Variants in PALS2 observed in about 807,000 individuals in gnomAD.
PALS2 encodes the protein protein associated with LIN7 2, MAGUK p55 family member.
PALS2 carries 27 observed loss-of-function variants against 61.6 expected under a neutral mutation model. The observed-to-expected ratio is 0.44, with a 90% CI of 0.32 to 0.60. The LOEUF is 0.60. PALS2 is among the 20% of genes least tolerant of loss of function. The pLI is 0.05. For missense variants in PALS2, 554 were observed against 639.4 expected (o/e 0.87, Z 1.44); for synonymous variants, 236 against 218.6 (o/e 1.08, Z -0.70).
At chr7:24,594,300 A>T (rs188038956) in intron 1 of PALS2, among the ~76,000 whole-genome samples, 1 of 152,072 alleles carries the variant, frequency 6.6e-6, no homozygotes, top group Non-Finnish European at 1.5e-5. Flanking sequence ...AGACCACTCA[A>T]ACTTTCCCCA....
At chr7:24,612,789 C>A (rs1403021344) in intron 1 of PALS2, among the ~76,000 whole-genome samples, 1 of 151,874 alleles carries the variant, frequency 6.6e-6, no homozygotes, top group African/African-American at 2.4e-5. Flanking sequence ...CTTATATCAT[C>A]TGCATTTCTT....
intron 1 of PALS2, among the ~76,000 whole-genome samples, chr7:24,621,391 G>A (rs893695049): frequency 1.2e-4 from 19 of 152,062 alleles, no homozygotes; most frequent in Non-Finnish European, 2.1e-4. Flanking sequence ...AAAAATACTG[G>A]TAAAAATGTG....
At chr7:24,608,566 C>G (rs1784006884) in intron 1 of PALS2, among the ~76,000 whole-genome samples, 2 of 152,040 alleles carry the variant, frequency 1.3e-5, no homozygotes, top group African/African-American at 4.8e-5. Flanking sequence ...TTAGCAGTTT[C>G]AACTTTATTC....
At chr7:24,598,870 A>G (rs1392021085) in intron 1 of PALS2, among the ~76,000 whole-genome samples, 1 of 152,148 alleles carries the variant, frequency 6.6e-6, no homozygotes, top group Admixed American at 6.5e-5. Context: ...TGAAGAAGAT[A>G]ATTTGTTTCC....
intron 1 of PALS2, among the ~76,000 whole-genome samples, chr7:24,613,700 C>G (rs1784193331): frequency 6.6e-6 from 1 of 151,746 alleles, no homozygotes; most frequent in South Asian, 2.1e-4. Context: ...TCATATCTAG[C>G]TGTAATTTTG....
intron 3 of PALS2, among the ~76,000 whole-genome samples, chr7:24,647,354 G>T (rs1785893655): frequency 6.6e-6 from 1 of 152,000 alleles, no homozygotes; most frequent in African/African-American, 2.4e-5. Context: ...TCACTATGTT[G>T]GCCAGGCTGG....
At chr7:24,657,419 G>A (rs1160587293) in intron 5 of PALS2, among the ~76,000 whole-genome samples, 7 of 152,162 alleles carry the variant, frequency 4.6e-5, no homozygotes, top group Admixed American at 4.6e-4. Context: ...ATAGTGTGTA[G>A]TGGTATCTCA....
intron 11 of PALS2, among the ~76,000 whole-genome samples, chr7:24,681,190 T>C (rs1787908168): frequency 6.6e-6 from 1 of 152,118 alleles, no homozygotes; most frequent in South Asian, 2.1e-4. Flanking sequence ...TTCTGATGTT[T>C]AGTTTCTATT....
chr7:24,587,531 A>ATT (rs11310808), intron 1 of PALS2, among the ~76,000 whole-genome samples: 2 of 140,954 alleles, frequency 1.4e-5, no homozygotes, highest in Non-Finnish European at 3.1e-5. Flanking sequence ...TGCCCAGCTA[A>ATT]TTTTTTTTTT....
intron 6 of PALS2, 147 bp from the exon 7 acceptor site, chr7:24,665,436 ATATCT>A (rs1786964703): frequency 3.3e-6 from 2 of 604,500 alleles, no homozygotes; most frequent in African/African-American, 1.8e-5. Context: ...AATTGTTTAA[ATATCT>A]TAACTGACAA....
Position 24,600,479 on chromosome 7 carries a change from T to G in PALS2, c.-2-23187T>G, listed in dbSNP as rs182990341. Among the ~76,000 whole-genome samples the G allele has an allele frequency of 2.6e-5, 4 of 152,310 alleles. No individual in the cohort carries two copies. In the East Asian group the frequency reaches 7.7e-4, roughly 29 times the overall value. ...TTGTTATTTTAAGTATAACATATAA[T>G]ATTCAAATGTGAATTATGTTTGATT... On this transcript the variant is annotated intron_variant, in intron 1 of 11. Coordinates refer to ENST00000222644, the MANE Select transcript of PALS2 (RefSeq NM_001303037.2).
At chr7:24,630,298 G>C (rs1460024092) in intron 2 of PALS2, among the ~76,000 whole-genome samples, 2 of 152,122 alleles carry the variant, frequency 1.3e-5, no homozygotes, top group African/African-American at 4.8e-5. Context: ...TATGGACACA[G>C]GGAGGGGAAC....
chr7:24,667,395 A>G (rs1220578478), intron 8 of PALS2, among the ~76,000 whole-genome samples: 1 of 152,142 alleles, frequency 6.6e-6, no homozygotes, highest in East Asian at 1.9e-4. Context: ...ATTCTAATCA[A>G]ACTGATAATT....
At chr7:24,651,012 C>T (rs189395669) in intron 5 of PALS2, among the ~76,000 whole-genome samples, 3 of 152,024 alleles carry the variant, frequency 2.0e-5, no homozygotes, top group Admixed American at 6.6e-5. Context: ...GTAAACATTT[C>T]TGACAGCTGT....
At chr7:24,655,753 C>T (rs182971663) in intron 5 of PALS2, among the ~76,000 whole-genome samples, 161 of 151,310 alleles carry the variant, frequency 1.1e-3, no homozygotes, top group Non-Finnish European at 1.4e-3. Flanking sequence ...CTCCACCGCC[C>T]GGGTTCAAGT....
intron 9 of PALS2, among the ~76,000 whole-genome samples, chr7:24,677,884 C>T (rs1398536719): frequency 1.3e-5 from 2 of 152,164 alleles, no homozygotes. Flanking sequence ...ATAATGATCT[C>T]ATTTGACCCT....
At chr7:24,677,176 T>G (rs918822126) in intron 9 of PALS2, among the ~76,000 whole-genome samples, 6 of 152,196 alleles carry the variant, frequency 3.9e-5, no homozygotes, top group Non-Finnish European at 7.3e-5. Flanking sequence ...GCTCTCTGTC[T>G]GTTGTTGGTG....
chr7:24,626,282 TACTC>T (rs1428533330), intron 2 of PALS2, among the ~76,000 whole-genome samples: 4 of 151,394 alleles, frequency 2.6e-5, no homozygotes, highest in African/African-American at 7.3e-5. Flanking sequence ...TATTAGAAAA[TACTC>T]AAGCAAAAAC....
intron 3 of PALS2, among the ~76,000 whole-genome samples, chr7:24,645,647 T>G (rs929737089): frequency 2.6e-5 from 4 of 152,202 alleles, no homozygotes; most frequent in Admixed American, 6.5e-5. Context: ...TTTCTAGTTC[T>G]GTGAAGAATG....
Sources: allele counts gnomAD v4.1 joint callset (sites outside exome capture counted in the v4.1 genomes callset), GRCh38; gene constraint gnomAD v4.1.1; transcripts MANE v1.5; gene names NCBI Gene and HGNC (gene_info 2026-07-23, HGNC 2026-07-21).